The following HSP90AA1 variants were observed in gnomAD, a reference collection of about 807,000 sequenced individuals.
The protein encoded by HSP90AA1 is heat shock protein 90 alpha family class A member 1.
Under a neutral mutation model 73.3 loss-of-function variants are expected in HSP90AA1, and 18 were observed. That is an observed-to-expected ratio of 0.25 (90% CI 0.17 to 0.36). HSP90AA1 has a LOEUF of 0.36. HSP90AA1 is among the 10% of genes least tolerant of loss of function. The pLI, the probability that HSP90AA1 is intolerant of heterozygous loss-of-function variation, is 1.00. For synonymous variants in HSP90AA1, 477 were observed against 296.9 expected (o/e 1.61, Z -6.24); for missense variants, 704 against 874.2 (o/e 0.81, Z 2.45).
In HSP90AA1 at chr14:102,084,795, C is replaced by G. The variant is rs368576869; in HGVS notation, c.867G>C (p.Glu289Asp). The G allele has an allele frequency of 6.2e-7, 1 of 1,613,930 alleles. No individual in the cohort carries two copies. The highest frequency in any genetic ancestry group is 8.5e-7 in the Non-Finnish European group (1 of 1,179,852). Residue 289 changes from glutamate to aspartate, a missense_variant, in exon 5 of 11, where the codon GAG becomes GAC. Coordinates refer to ENST00000216281, the MANE Select transcript of HSP90AA1 (RefSeq NM_005348.4). ...TCCAGATGGGCTTTGTTTTGTTGAG[C>G]TCTTCTTGATCGATGTACTTTTCCT... ...KIKEKYIDQE[E>D]LNKTKPIWTR... is the part of the protein sequence containing the mutation.
rs151160600 is a variant in HSP90AA1, at chr14:102,085,969, G to A, written c.318C>T (p.Asn106=). Residue 106 remains asparagine, a synonymous_variant, in exon 3 of 11, where the codon AAC becomes AAT. Coordinates refer to ENST00000216281, the MANE Select transcript of HSP90AA1 (RefSeq NM_005348.4). The part of the protein sequence containing the change: ...IGMTKADLIN[N]LGTIAKSGTK... Reference sequence around the variant, plus strand: ...TCCCAGACTTGGCGATAGTACCAAGGTTATTGATCAAGTCAGCCTTGGTCA... The same window carrying A: ...TCCCAGACTTGGCGATAGTACCAAGATTATTGATCAAGTCAGCCTTGGTCA... The A allele has an allele frequency of 4.2e-4, 675 of 1,613,930 alleles. No individual in the cohort carries two copies. The highest frequency in any genetic ancestry group is 7.2e-4 in the Admixed American group (43 of 60,012).
chr14:102,120,922 G>C (rs578091997), intron 1 of HSP90AA1, among the ~76,000 whole-genome samples: 36 of 150,944 alleles, frequency 2.4e-4, no homozygotes, highest in Non-Finnish European at 4.4e-4. Context: ...TGGGCAACAA[G>C]AGCTAGACTC....
chr14:102,136,562 C>CTT (rs10641582), intron 1 of HSP90AA1, among the ~76,000 whole-genome samples: 108,907 of 118,326 alleles, frequency 0.92, 50,071 homozygotes, highest in East Asian at 1. Context: ...GAGTGAGACT[C>CTT]GTCTCAAAAA....
upstream of HSP90AA1, among the ~76,000 whole-genome samples, chr14:102,089,473 CTG>C (rs1266007405): frequency 1.3e-5 from 2 of 152,208 alleles, no homozygotes; most frequent in Non-Finnish European, 2.9e-5. Context: ...GGTGCGAACT[CTG>C]TAATGGTTTC....
intron 6 of HSP90AA1, 114 bp downstream of exon 6, chr14:102,084,285 A>C: frequency 1.0e-6 from 1 of 958,668 alleles, no homozygotes; most frequent in African/African-American, 1.6e-5. Context: ...ACCTCAAGTG[A>C]TCTGCCCACC....
Position 102,084,864 on chromosome 14 carries a change from T to C in HSP90AA1, c.798A>G (p.Glu266=), listed in dbSNP as rs375764613. 6.9e-5 allele frequency: 109 copies of C among 1,573,224 alleles called. No homozygotes were observed. Among genetic ancestry groups the C allele is most frequent in the Non-Finnish European group, 9.0e-5 (103 of 1,143,358 alleles). Residue 266 remains glutamate, a synonymous_variant, in exon 5 of 11, where the codon GAA becomes GAG. Transcript: ENST00000216281. The stretch of plus-strand genomic sequence containing the variant: ...TCTTGTCACCATCCTTCTTTTCTTC[T>C]TCCTCATCAGAACCAACATCTTCAA... ...PEIEDVGSDE[E]EEKKDGDKKK... is the part of the protein sequence containing the mutation.
intron 4 of HSP90AA1, 53 bp downstream of exon 4, chr14:102,085,245 C>G: frequency 6.4e-7 from 1 of 1,572,700 alleles, no homozygotes; most frequent in Non-Finnish European, 8.7e-7. Flanking sequence ...GTAGTACAGT[C>G]ACCCCAATCA....
intron 1 of HSP90AA1, among the ~76,000 whole-genome samples, chr14:102,130,565 C>G (rs1214955512): frequency 1.3e-5 from 2 of 152,094 alleles, no homozygotes; most frequent in African/African-American, 4.8e-5. Flanking sequence ...TCACGTGCTC[C>G]CTGGCCATTT....
At chr14:102,112,363 A>T (rs1196573943) in intron 1 of HSP90AA1, among the ~76,000 whole-genome samples, 1 of 152,170 alleles carries the variant, frequency 6.6e-6, no homozygotes, top group Non-Finnish European at 1.5e-5. Context: ...TTTAGTAGAG[A>T]TGGGGTTTCA....
chr14:102,133,099 G>A (rs1171960248), intron 1 of HSP90AA1, among the ~76,000 whole-genome samples: 1 of 152,024 alleles, frequency 6.6e-6, no homozygotes, highest in African/African-American at 2.4e-5. Flanking sequence ...GGCCAACATG[G>A]TGAAACCCCA....
upstream of HSP90AA1, among the ~76,000 whole-genome samples, chr14:102,091,174 G>C (rs1258091213): frequency 6.6e-6 from 1 of 152,146 alleles, no homozygotes; most frequent in Non-Finnish European, 1.5e-5. Context: ...CAGTTTCTTA[G>C]TCCTCTCGAC....
At chr14:102,118,890 T>C (rs184548243) in intron 1 of HSP90AA1, among the ~76,000 whole-genome samples, 87 of 149,064 alleles carry the variant, frequency 5.8e-4, no homozygotes, top group African/African-American at 2.1e-3. Flanking sequence ...GTCTCATTTC[T>C]ATCATTCCGG....
upstream of HSP90AA1, among the ~76,000 whole-genome samples, chr14:102,088,667 C>T (rs1265886795): frequency 6.6e-6 from 1 of 152,172 alleles, no homozygotes; most frequent in African/African-American, 2.4e-5. Context: ...CAGCTGCAGC[C>T]TGGACTGGCG....
chr14:102,117,886 T>C (rs1427129103), intron 1 of HSP90AA1, among the ~76,000 whole-genome samples: 1 of 152,168 alleles, frequency 6.6e-6, no homozygotes, highest in East Asian at 1.9e-4. Flanking sequence ...CTGCAGTTCC[T>C]GGTGTCTCCA....
chr14:102,109,080 T>C (rs559481810), intron 1 of HSP90AA1, among the ~76,000 whole-genome samples: 1 of 152,334 alleles, frequency 6.6e-6, no homozygotes, highest in East Asian at 1.9e-4. Flanking sequence ...CAGCTCAAGA[T>C]GCAGACTTTC....
chr14:102,120,580 G>C (rs1036074560), intron 1 of HSP90AA1, among the ~76,000 whole-genome samples: 1 of 152,086 alleles, frequency 6.6e-6, no homozygotes, highest in Non-Finnish European at 1.5e-5. Context: ...GAAAGTGTTA[G>C]TAAGTAATGA....
chr14:102,087,680 C>T (rs540682382), upstream of HSP90AA1, among the ~76,000 whole-genome samples: 15 of 152,236 alleles, frequency 9.9e-5, no homozygotes, highest in African/African-American at 3.1e-4. Context: ...GGAGGCTGTC[C>T]CGCGGCCTGC....
intron 1 of HSP90AA1, among the ~76,000 whole-genome samples, chr14:102,138,246 C>T (rs1196633572): frequency 6.6e-6 from 1 of 151,674 alleles, no homozygotes; most frequent in African/African-American, 2.4e-5. Flanking sequence ...TACTTTTTTT[C>T]CTCTTGATAA....
chr14:102,111,218 G>A (rs1228343559), intron 1 of HSP90AA1, among the ~76,000 whole-genome samples: 11 of 152,180 alleles, frequency 7.2e-5, no homozygotes, highest in African/African-American at 1.4e-4. Context: ...AAGTCTTCAC[G>A]GCAGCCCCTC....
Sources: allele counts gnomAD v4.1 joint callset (sites outside exome capture counted in the v4.1 genomes callset), GRCh38; gene constraint gnomAD v4.1.1; transcripts MANE v1.5; gene names NCBI Gene and HGNC (gene_info 2026-07-23, HGNC 2026-07-21).